The following F13A1 variants were observed in gnomAD, a reference collection of about 807,000 sequenced individuals.
F13A1 encodes coagulation factor XIII A chain.
In F13A1, 47 loss-of-function variants were observed where a neutral mutation model predicts 80.1. That is an observed-to-expected ratio of 0.59 (90% CI 0.46 to 0.75). The LOEUF is 0.75. Among genes scored for constraint, F13A1 ranks in the 30% least tolerant of loss-of-function variants. The pLI is 0.00. For missense variants in F13A1, 817 were observed against 930.4 expected (o/e 0.88, Z 1.59); for synonymous variants, 349 against 344.9 (o/e 1.01, Z -0.13).
chr6:6,179,559 G>A (rs1487478689), intron 11 of F13A1, among the ~76,000 whole-genome samples: 1 of 152,144 alleles, frequency 6.6e-6, no homozygotes, highest in African/African-American at 2.4e-5. Context: ...GCCAATGGCG[G>A]CCATCAATCC....
chr6:6,299,539 A>G (rs1196261631), intron 3 of F13A1, among the ~76,000 whole-genome samples: 1 of 135,060 alleles, frequency 7.4e-6, no homozygotes, highest in Non-Finnish European at 1.5e-5. Context: ...AGTTGATCGC[A>G]TCGGCTCCTG....
At chr6:6,292,714 G>A (rs1023955619) in intron 3 of F13A1, among the ~76,000 whole-genome samples, 1 of 152,218 alleles carries the variant, frequency 6.6e-6, no homozygotes, top group Non-Finnish European at 1.5e-5. Flanking sequence ...CAGAACATGT[G>A]CAGTTGACCC....
chr6:6,267,786 G>A (rs1277552532), intron 3 of F13A1, among the ~76,000 whole-genome samples: 2 of 152,136 alleles, frequency 1.3e-5, no homozygotes, highest in Non-Finnish European at 2.9e-5. Context: ...AATTATGTAA[G>A]GATGCACTTT....
At chr6:6,223,147 G>C (rs1398460451) in intron 7 of F13A1, among the ~76,000 whole-genome samples, 1 of 152,162 alleles carries the variant, frequency 6.6e-6, no homozygotes. Context: ...CTTGACTTTA[G>C]GGCACCTGTT....
In F13A1 at chr6:6,250,578, A is replaced by ATC. The variant is rs200496657; in HGVS notation, c.690+231_690+232dup. ...AATAGAATGCCACATTATTCATGGA[A>ATC]TCTCTCATTTCTGTAACACTGTAAT... On this transcript the variant is annotated intron_variant, in intron 5 of 14. Coordinates refer to ENST00000264870, the MANE Select transcript of F13A1 (RefSeq NM_000129.4). This position sits in a 1 kb window ranked among gnomAD's most constrained non-coding sequence, Gnocchi z 4.2. Among the ~76,000 whole-genome samples the ATC allele has an allele frequency of 4.8e-3, 734 of 152,246 alleles. 7 individuals carry two copies. The highest frequency in any genetic ancestry group is 0.017 in the African/African-American group (695 of 41,544).
intron 3 of F13A1, among the ~76,000 whole-genome samples, chr6:6,278,303 A>G (rs1040643764): frequency 6.6e-6 from 1 of 152,230 alleles, no homozygotes; most frequent in East Asian, 1.9e-4. Flanking sequence ...TGACTAGAGC[A>G]GCTTAAGAGG....
chr6:6,305,745 T>C, intron 2 of F13A1: 1 of 582,196 alleles, frequency 1.7e-6, no homozygotes, highest in South Asian at 2.0e-5. Flanking sequence ...TTTTTAAAGC[T>C]TTTTCCACCT....
chr6:6,320,489 G>A (rs1254524248), intron 1 of F13A1, 98 bp downstream of exon 1: 7 of 364,344 alleles, frequency 1.9e-5, no homozygotes, highest in Non-Finnish European at 3.4e-5. Context: ...GCGCCACAGG[G>A]CCCAGAGCAA....
rs1323291763 is a variant in F13A1 at position 6,227,612 on chromosome 6, G to T, written c.799-2752C>A. Among the ~76,000 whole-genome samples the T allele has an allele frequency of 2.6e-5, 4 of 152,168 alleles. No homozygotes were observed. The East Asian group carries it at 7.7e-4, about 29-fold the overall frequency. ...CTATGATGTGGTTTGGTCTTTGTGG[G>T]TAGGTAGGTTTAGCTTTGAACTCAC... On this transcript the variant is annotated intron_variant, in intron 6 of 14. Coordinates refer to ENST00000264870, the MANE Select transcript of F13A1 (RefSeq NM_000129.4).
intron 2 of F13A1, among the ~76,000 whole-genome samples, chr6:6,312,625 C>G (rs2113197623): frequency 8.7e-6 from 1 of 114,800 alleles, no homozygotes; most frequent in South Asian, 2.9e-4. Context: ...TTGCAGTGAG[C>G]CGAGATCGCG....
At chr6:6,270,927 G>T (rs1757911258) in intron 3 of F13A1, among the ~76,000 whole-genome samples, 1 of 152,144 alleles carries the variant, frequency 6.6e-6, no homozygotes, top group Non-Finnish European at 1.5e-5. Context: ...CTGCATGAGG[G>T]TCTCTCTGGG....
At chr6:6,219,278 A>C (rs907968668) in intron 8 of F13A1, among the ~76,000 whole-genome samples, 1 of 151,972 alleles carries the variant, frequency 6.6e-6, no homozygotes, top group Admixed American at 6.6e-5. Flanking sequence ...GCTGATGCCC[A>C]GCAAATCATT....
intron 13 of F13A1, among the ~76,000 whole-genome samples, chr6:6,158,945 A>G (rs1760526677): frequency 7.1e-6 from 1 of 140,670 alleles, no homozygotes; most frequent in Non-Finnish European, 1.5e-5. Flanking sequence ...TCTGTTGCCC[A>G]GGCTGGAGTG....
chr6:6,216,889 AAAG>A (rs1315872517), intron 8 of F13A1, among the ~76,000 whole-genome samples: 1 of 150,468 alleles, frequency 6.6e-6, no homozygotes, highest in African/African-American at 2.5e-5. Flanking sequence ...GCACTTCTCA[AAAG>A]AAGACATTTA....
At chr6:6,205,963 C>T (rs1326053411) in intron 8 of F13A1, among the ~76,000 whole-genome samples, 1 of 152,126 alleles carries the variant, frequency 6.6e-6, no homozygotes, top group African/African-American at 2.4e-5. Context: ...AGCCCTACCC[C>T]CTTTTACCAC....
chr6:6,186,694 T>A (rs1334054823), intron 10 of F13A1, among the ~76,000 whole-genome samples: 2 of 152,246 alleles, frequency 1.3e-5, no homozygotes, highest in Admixed American at 6.5e-5. Context: ...TAGGATTGAC[T>A]TGGTGATGCA....
At chr6:6,166,430 A>T (rs190436435) in intron 13 of F13A1, among the ~76,000 whole-genome samples, 2 of 152,336 alleles carry the variant, frequency 1.3e-5, no homozygotes, top group East Asian at 3.9e-4. Flanking sequence ...TTAAAATGTG[A>T]TCAACTTTAT....
chr6:6,306,451 G>C (rs533459300), intron 2 of F13A1, among the ~76,000 whole-genome samples: 1 of 152,150 alleles, frequency 6.6e-6, no homozygotes, highest in Admixed American at 6.5e-5. Flanking sequence ...GACAGGAGAC[G>C]GCATGAGATG....
chr6:6,221,919 C>T (rs1330302166), intron 8 of F13A1, 114 bp downstream of exon 8: 4 of 1,191,608 alleles, frequency 3.4e-6, no homozygotes, highest in South Asian at 2.6e-5. Context: ...TCTGCCTGTG[C>T]TGTTGAATGG....
Sources: gnomAD v4.1 joint callset for allele counts (sites outside exome capture counted in the v4.1 genomes callset) on GRCh38, gnomAD v4.1.1 for gene constraint, Gnocchi (gnomAD v3.1) non-coding constraint, MANE v1.5 for transcripts, NCBI Gene and HGNC (gene_info 2026-07-23, HGNC 2026-07-21) for gene names.